Variants in ADRA1D observed in about 807,000 individuals in gnomAD.
ADRA1D encodes adrenoceptor alpha 1D.
ADRA1D carries 22 observed loss-of-function variants against 18.6 expected under a neutral mutation model. The observed-to-expected ratio is 1.19, with a 90% confidence interval of 0.85 to 1.69. The LOEUF (loss-of-function observed/expected upper bound fraction) is 1.69. Among genes scored for constraint, ADRA1D ranks in the 40% most tolerant of loss-of-function variants. The pLI is 0.00. For synonymous variants in ADRA1D, 376 were observed against 388.2 expected (o/e 0.97, Z 0.37); for missense variants, 840 against 840.7 (o/e 1.00, Z 0.01).
intron 1 of ADRA1D, among the ~76,000 whole-genome samples, chr20:4,227,393 C>T (rs1435127747): frequency 6.6e-6 from 1 of 152,192 alleles, no homozygotes; most frequent in Non-Finnish European, 1.5e-5. Flanking sequence ...GCACATCACT[C>T]TCCCTTTTAA....
chr20:4,234,229 A>C (rs997415111), intron 1 of ADRA1D, among the ~76,000 whole-genome samples: 17 of 152,338 alleles, frequency 1.1e-4, no homozygotes, highest in African/African-American at 3.8e-4. Context: ...GACGCTGCTA[A>C]GGCAGGGAGG....
Position 4,249,013 on chromosome 20 carries a change from GA to G in ADRA1D, c.-57del. The G allele has an allele frequency of 8.2e-7, 1 of 1,220,332 alleles. No individual in the cohort carries two copies. The highest frequency in any genetic ancestry group is 1.0e-6 in the Non-Finnish European group (1 of 963,360). 75.6% of individuals were successfully genotyped at this position (1,220,332 alleles called of 1,614,324 possible). ...GGGCACAGAACGAGCGGCCGGCAGG[GA>G]GGGGAGCACAGGGCATAGCCGCGGG... On this transcript the variant is annotated 5_prime_UTR_variant, in exon 1 of 2. An upstream open reading frame in the 5' UTR loses its in-frame stop. Coordinates refer to ENST00000379453, the MANE Select transcript of ADRA1D (RefSeq NM_000678.4).
chr20:4,246,166 A>T (rs1446995399), intron 1 of ADRA1D, among the ~76,000 whole-genome samples: 1 of 152,136 alleles, frequency 6.6e-6, no homozygotes, highest in East Asian at 1.9e-4. Context: ...TGCTCCCCAC[A>T]TACCAGGCCC....
In ADRA1D at chr20:4,221,607, G is replaced by C; in HGVS notation, c.1635C>G (p.Gly545=). The C allele has an allele frequency of 6.2e-7, 1 of 1,613,466 alleles. No homozygotes were observed. The highest frequency in any genetic ancestry group is 8.5e-7 in the Non-Finnish European group (1 of 1,179,744). ...CGCCCTCGGCCACCTCGTGTGGGAC[G>C]CCTAGGGACACAGCCTCCACCTCTG... The part of the protein sequence containing the change: ...QRSEVEAVSL[G]VPHEVAEGAT... Residue 545 remains glycine (G), a synonymous_variant, in exon 2 of 2, where the codon GGC becomes GGG. Coordinates refer to ENST00000379453, the MANE Select transcript of ADRA1D (RefSeq NM_000678.4).
rs757810251 is a variant in ADRA1D at position 4,239,905 on chromosome 20, G to A, written c.1111+7942C>T. Among the ~76,000 whole-genome samples the A allele has an allele frequency of 1.1e-4, 17 of 152,160 alleles. No homozygotes were observed. The highest frequency in any genetic ancestry group is 1.5e-4 in the Non-Finnish European group (10 of 68,026). ...GAATGCTAGTGAATAAATGAAGGAG[G>A]TATGATAGGATTAGAATATCCCCAC... On this transcript the variant is annotated intron_variant, in intron 1 of 1. Transcript: ENST00000379453. The surrounding 1 kb of genome is among the most constrained non-coding windows in gnomAD (Gnocchi z 4.9).
rs1981448716 is a variant in ADRA1D, at chr20:4,249,228, G to C, written c.-271C>G. On this transcript the variant is annotated 5_prime_UTR_variant, in exon 1 of 2. Coordinates refer to ENST00000379453, the MANE Select transcript of ADRA1D (RefSeq NM_000678.4). ...GCGGCGCTCTGAGCGTGCCCGGCAAGCGGGCAAAGCGGCGGCTCCGGGGCC... is the reference window on the plus strand; with the variant it reads ...GCGGCGCTCTGAGCGTGCCCGGCAACCGGGCAAAGCGGCGGCTCCGGGGCC... Among the ~76,000 whole-genome samples the C allele has an allele frequency of 6.6e-6, 1 of 151,916 alleles. No homozygotes were observed. The highest frequency in any genetic ancestry group is 1.5e-5 in the Non-Finnish European group (1 of 67,944).
chr20:4,220,697 A>T lies in ADRA1D; in HGVS notation c.*826T>A, dbSNP rs1203384934. 6.7e-6 allele frequency: 1 copy of T among 149,648 alleles called. No individual in the cohort carries two copies. Among genetic ancestry groups the T allele is most frequent in the African/African-American group, 2.5e-5 (1 of 40,816 alleles). 9.3% of individuals were successfully genotyped at this position (149,648 alleles called of 1,614,324 possible). A position where few individuals can be genotyped will look rare whatever the true frequency, so the allele number is the denominator to read the frequency against. On this transcript the variant is annotated 3_prime_UTR_variant, in exon 2 of 2. Coordinates refer to ENST00000379453, the MANE Select transcript of ADRA1D (RefSeq NM_000678.4). The stretch of plus-strand genomic sequence containing the variant: ...CTTGACAGACTTTAGGGGAAAAAGT[A>T]TTTTTTTTTTAATGGGTTATGGGCT...
At chr20:4,246,256 C>T (rs773550479) in intron 1 of ADRA1D, among the ~76,000 whole-genome samples, 7 of 152,096 alleles carry the variant, frequency 4.6e-5, no homozygotes, top group Admixed American at 6.5e-5. Flanking sequence ...GTCCCAGAAA[C>T]AAAACAAGCA....
At chr20:4,240,501 T>G (rs1981187963) in intron 1 of ADRA1D, among the ~76,000 whole-genome samples, 1 of 151,372 alleles carries the variant, frequency 6.6e-6, no homozygotes, top group Non-Finnish European at 1.5e-5. Flanking sequence ...TTCTTCAAAA[T>G]AATCTACAGT....
At chr20:4,240,044 A>C (rs2122672462) in intron 1 of ADRA1D, among the ~76,000 whole-genome samples, 1 of 152,320 alleles carries the variant, frequency 6.6e-6, no homozygotes, top group Non-Finnish European at 1.5e-5. Flanking sequence ...CAGCACATGA[A>C]TTCTGGTCAA....
chr20:4,235,958 A>C (rs894219727), intron 1 of ADRA1D, among the ~76,000 whole-genome samples: 39 of 152,176 alleles, frequency 2.6e-4, no homozygotes, highest in African/African-American at 8.7e-4. Flanking sequence ...CCATGCAGGA[A>C]GGGGCCATGT....
chr20:4,233,715 G>GC (rs1353067101), intron 1 of ADRA1D, among the ~76,000 whole-genome samples: 2 of 152,106 alleles, frequency 1.3e-5, no homozygotes, highest in African/African-American at 4.8e-5. Flanking sequence ...TCACTCTTCT[G>GC]CCCCCTGCTG....
intron 1 of ADRA1D, among the ~76,000 whole-genome samples, chr20:4,238,504 T>G (rs1981147896): frequency 1.3e-5 from 2 of 151,584 alleles, no homozygotes; most frequent in South Asian, 4.2e-4. Context: ...GGTTGAGGAG[T>G]AACTGAAAGA....
At position 4,249,199 on chromosome 20, in the gene ADRA1D, G is replaced by T. The variant is rs1403816554; in HGVS notation, c.-242C>A. 1 of 172,570 alleles carries T rather than the reference G, an allele frequency of 5.8e-6. No homozygotes were observed. Among genetic ancestry groups the T allele is most frequent in the Non-Finnish European group, 1.2e-5 (1 of 83,162 alleles). 10.7% of individuals were successfully genotyped at this position (172,570 alleles called of 1,614,324 possible). A position where few individuals can be genotyped will look rare whatever the true frequency, so the allele number is the denominator to read the frequency against. On this transcript the variant is annotated 5_prime_UTR_variant, in exon 1 of 2. Transcript: ENST00000379453. ...GCACCGAAGAGCCGGGGCCCGCTAC[G>T]CGCGCGGCGCTCTGAGCGTGCCCGG... is the stretch of plus-strand genomic sequence containing the variant.
intron 1 of ADRA1D, among the ~76,000 whole-genome samples, chr20:4,229,304 TC>T: frequency 6.6e-6 from 1 of 152,240 alleles, no homozygotes; most frequent in African/African-American, 2.4e-5. Context: ...ACTTATCCTG[TC>T]CTCATGAAGC....
At position 4,248,863 on chromosome 20, in the gene ADRA1D, GCGCTGCCCCCGC is replaced by G; in HGVS notation, c.83_94del (p.Gly28_Ser31del). On this transcript the variant is annotated inframe_deletion, in exon 1 of 2. Coordinates refer to ENST00000379453, the MANE Select transcript of ADRA1D (RefSeq NM_000678.4). ...GCCCTCCGAGGGGGCCGCGCCGCCC[GCGCTGCCCCCGC>G]CGCCGCCCGCGCTGGAGCCCCCTGC... 9.5e-7 allele frequency: 1 copy of G among 1,048,834 alleles called. No individual in the cohort carries two copies. Among genetic ancestry groups the G allele is most frequent in the Non-Finnish European group, 1.2e-6 (1 of 868,058 alleles). 65.0% of individuals were successfully genotyped at this position (1,048,834 alleles called of 1,614,324 possible). A position where few individuals can be genotyped will look rare whatever the true frequency, so the allele number is the denominator to read the frequency against.
In ADRA1D at chr20:4,248,245, G is replaced by C. The variant is rs1178653831; in HGVS notation, c.713C>G (p.Pro238Arg). Residue 238 changes from proline to arginine, a missense_variant, in exon 1 of 2, where the codon CCC (proline) becomes CGC (arginine). Transcript: ENST00000379453. Reference protein sequence around the residue: ...SVGPLLGWKEPVPPDERFCGI... With the variant: ...SVGPLLGWKERVPPDERFCGI... ...GCAGAAGCGCTCGTCAGGGGGCACG[G>C]GCTCCTTCCAGCCCAGCAGGGGCCC... 6.2e-7 allele frequency: 1 copy of C among 1,606,450 alleles called. No homozygotes were observed. Among genetic ancestry groups the C allele is most frequent in the South Asian group, 1.1e-5 (1 of 89,752 alleles).
intron 1 of ADRA1D, among the ~76,000 whole-genome samples, chr20:4,237,384 C>A (rs1411949397): frequency 1.3e-5 from 2 of 151,792 alleles, no homozygotes; most frequent in Non-Finnish European, 2.9e-5. Flanking sequence ...CAGAGTAAGA[C>A]CCTGTCTCTT....
At chr20:4,233,761 A>G (rs1038211970) in intron 1 of ADRA1D, among the ~76,000 whole-genome samples, 3 of 151,770 alleles carry the variant, frequency 2.0e-5, no homozygotes, top group Non-Finnish European at 4.4e-5. Context: ...GTTTGTGTTC[A>G]TTTCTCCCCA....
Sources: gnomAD v4.1 joint callset for allele counts (sites outside exome capture counted in the v4.1 genomes callset) on GRCh38, gnomAD v4.1.1 for gene constraint, Gnocchi (gnomAD v3.1) non-coding constraint, MANE v1.5 for transcripts, NCBI Gene and HGNC (gene_info 2026-07-23, HGNC 2026-07-21) for gene names.